The following TIAM1 variants were observed in gnomAD, a reference collection of about 807,000 sequenced individuals.
The protein encoded by TIAM1 is TIAM Rac1 associated GEF 1.
TIAM1 carries 65 observed loss-of-function variants against 163.5 expected under a neutral mutation model. That is an observed-to-expected ratio of 0.40 (90% confidence interval 0.33 to 0.49). The LOEUF is 0.49. Ranked by LOEUF, TIAM1 falls within the 20% of genes least tolerant of loss-of-function variation. The pLI is 0.77. For missense variants in TIAM1, 1,789 were observed against 2,044.7 expected, an observed-to-expected ratio of 0.87 and a Z score of 2.41; for synonymous variants, 833 against 810.1, an observed-to-expected ratio of 1.03 and a Z score of -0.48.
Position 31,391,212 on chromosome 21 carries a change from CA to C in TIAM1, c.-368-51791del, listed in dbSNP as rs571554444. 3.8e-3 allele frequency among the ~76,000 whole-genome samples: 574 copies of C among 152,218 alleles called. 4 individuals carry two copies. The highest frequency in any genetic ancestry group is 6.6e-3 in the Non-Finnish European group (452 of 68,026). ...AACCTTTCATTGTCCAAGATGGAGCCAGGGGTGGGAGGATAAGGAAAGGTCA... is the reference window on the plus strand; with the variant it reads ...AACCTTTCATTGTCCAAGATGGAGCCGGGGTGGGAGGATAAGGAAAGGTCA... On this transcript the variant is annotated intron_variant, in intron 2 of 28. Transcript: ENST00000286827.
chr21:31,412,650 T>C (rs893734169), intron 2 of TIAM1, among the ~76,000 whole-genome samples: 1 of 151,512 alleles, frequency 6.6e-6, no homozygotes, highest in Non-Finnish European at 1.5e-5. Context: ...GGCATGATAG[T>C]GCATGCCTGG....
At chr21:31,174,598 A>T (rs1188281809) in intron 15 of TIAM1, among the ~76,000 whole-genome samples, 2 of 152,250 alleles carry the variant, frequency 1.3e-5, no homozygotes, top group African/African-American at 2.4e-5. Context: ...AACAAGAAGC[A>T]GCTCTTGGAA....
chr21:31,420,802 G>A (rs182871493), intron 2 of TIAM1, among the ~76,000 whole-genome samples: 1 of 152,192 alleles, frequency 6.6e-6, no homozygotes, highest in Non-Finnish European at 1.5e-5. Context: ...GACGTTGCTT[G>A]GAAATAGGGT....
chr21:31,477,033 C>T (rs1464298196), intron 1 of TIAM1, among the ~76,000 whole-genome samples: 2 of 152,146 alleles, frequency 1.3e-5, no homozygotes, highest in Non-Finnish European at 2.9e-5. Context: ...TGCCTGACTT[C>T]CTTAGAGCAC....
rs59742048 is a variant in TIAM1 at position 31,535,380 on chromosome 21, C to CAAAAA, written c.-422+23542_-422+23546dup. ...TGGGCGACAGAGGAAGGCTCCATCTCAAAAAAAAAAAAAAAAAAAAAAAAA... is the reference window on the plus strand; with the variant it reads ...TGGGCGACAGAGGAAGGCTCCATCTCAAAAAAAAAAAAAAAAAAAAAAAAAAAAAA... On this transcript the variant is annotated intron_variant, in intron 1 of 28. Transcript: ENST00000286827. 4.2e-3 allele frequency among the ~76,000 whole-genome samples: 229 copies of CAAAAA among 54,290 alleles called. 15 individuals are homozygous for CAAAAA. Among genetic ancestry groups the CAAAAA allele is most frequent in the Middle Eastern group, 0.024 (1 of 42 alleles). The allele number at this position is 54,290 out of a possible 152,430, so 35.6% of individuals were successfully genotyped here.
At chr21:31,534,248 A>G (rs998545789) in intron 1 of TIAM1, among the ~76,000 whole-genome samples, 1 of 152,244 alleles carries the variant, frequency 6.6e-6, no homozygotes, top group Non-Finnish European at 1.5e-5. Flanking sequence ...ATTGTCTTCT[A>G]TGGATCTCCA....
At chr21:31,399,170 T>C (rs2077123514) in intron 2 of TIAM1, among the ~76,000 whole-genome samples, 1 of 152,170 alleles carries the variant, frequency 6.6e-6, no homozygotes, top group Admixed American at 6.5e-5. Flanking sequence ...TTTCTATTAT[T>C]ATAAATCTTA....
At chr21:31,413,264 CTTTTTTT>C (rs397866519) in intron 2 of TIAM1, among the ~76,000 whole-genome samples, 34 of 87,858 alleles carry the variant, frequency 3.9e-4, no homozygotes, top group Admixed American at 2.7e-3. Flanking sequence ...CTTTTCTTTT[CTTTTTTT>C]TTTTTTTTTT....
chr21:31,408,835 A>C (rs1056147173), intron 2 of TIAM1, among the ~76,000 whole-genome samples: 3 of 152,164 alleles, frequency 2.0e-5, no homozygotes, highest in Non-Finnish European at 4.4e-5. Context: ...GAACTGTTAG[A>C]CATGCACATT....
At chr21:31,194,545 A>C (rs1413794333) in intron 13 of TIAM1, among the ~76,000 whole-genome samples, 2 of 152,208 alleles carry the variant, frequency 1.3e-5, no homozygotes, top group African/African-American at 4.8e-5. Context: ...ATGGGAGGTC[A>C]TTGTTGTGAA....
chr21:31,185,498 C>G (rs147138783), intron 14 of TIAM1, among the ~76,000 whole-genome samples: 363 of 139,142 alleles, frequency 2.6e-3, no homozygotes, highest in Non-Finnish European at 4.0e-3. Flanking sequence ...ATATTATATG[C>G]TTATATATTT....
At chr21:31,304,874 G>C (rs1373026577) in intron 2 of TIAM1, among the ~76,000 whole-genome samples, 1 of 152,076 alleles carries the variant, frequency 6.6e-6, no homozygotes, top group South Asian at 2.1e-4. Flanking sequence ...TGTATTTTTA[G>C]TAGAGATGGG....
Position 31,504,078 on chromosome 21 carries a change from A to C in TIAM1, c.-421-40043T>G, listed in dbSNP as rs534819696. Among the ~76,000 whole-genome samples, 12 of 152,282 alleles carry C rather than the reference A, an allele frequency of 7.9e-5. No homozygotes were observed. The South Asian group carries it at 2.5e-3, about 32-fold the overall frequency. On this transcript the variant is annotated intron_variant, in intron 1 of 28. Coordinates refer to the TIAM1 transcript ENST00000286827. ...CCTGCCCAACCTTACAGTGAACAAG[A>C]GCCTGAATCTTCCAGATGAAGCATG...
chr21:31,271,465 C>T (rs1278827832), intron 3 of TIAM1, among the ~76,000 whole-genome samples: 1 of 152,174 alleles, frequency 6.6e-6, no homozygotes, highest in African/African-American at 2.4e-5. Context: ...AGGTCTGTGT[C>T]AGTCCCTTAC....
At chr21:31,303,600 A>G (rs1412989721) in intron 2 of TIAM1, among the ~76,000 whole-genome samples, 1 of 151,926 alleles carries the variant, frequency 6.6e-6, no homozygotes, top group East Asian at 1.9e-4. Context: ...TCATTTAATT[A>G]GCATCAAAAT....
intron 5 of TIAM1, among the ~76,000 whole-genome samples, chr21:31,250,937 C>T (rs1355110059): frequency 6.6e-6 from 1 of 152,152 alleles, no homozygotes. Context: ...TCTATATATA[C>T]ACAGTCAAAA....
At chr21:31,524,427 C>T (rs1333040880) in intron 1 of TIAM1, among the ~76,000 whole-genome samples, 4 of 152,134 alleles carry the variant, frequency 2.6e-5, no homozygotes, top group African/African-American at 9.7e-5. Flanking sequence ...CAAACACCTC[C>T]CACCAGGCCC....
chr21:31,422,790 T>C (rs2043623939), intron 2 of TIAM1, among the ~76,000 whole-genome samples: 2 of 152,214 alleles, frequency 1.3e-5, no homozygotes, highest in South Asian at 2.1e-4. Context: ...CTCCCTGCCA[T>C]GGACATATTG....
rs1308634668 is a variant in TIAM1, at chr21:31,164,969, C to G, written c.2984G>C (p.Ser995Thr). 5 of 1,613,990 alleles carry G rather than the reference C, an allele frequency of 3.1e-6. No homozygotes were observed. Among genetic ancestry groups the G allele is most frequent in the Admixed American group, 3.3e-5 (2 of 60,014 alleles). ...DLESSDETDH[S>T]SKSTEQVAAF... ...AAAATGAAAATCTCTCACCTTGCTG[C>G]TGTGATCAGTCTCATCTGAGGATTC... The change falls in exon 16 of 28, where the codon AGC becomes ACC. Residue 995 changes from serine to threonine, a missense_variant. This residue lies in a region of TIAM1 where 303 missense variants were observed against 321.3 expected (regional missense o/e 0.94). Transcript: ENST00000541036.
Sources: gnomAD v4.1 joint callset for allele counts (sites outside exome capture counted in the v4.1 genomes callset) on GRCh38, gnomAD v4.1.1 for gene constraint, gnomAD v4.1.1 regional missense constraint, MANE v1.5 for transcripts, NCBI Gene and HGNC (gene_info 2026-07-23, HGNC 2026-07-21) for gene names.